Variants in PRELID2 observed in about 807,000 individuals in gnomAD.
PRELID2 encodes the protein PRELI domain containing 2.
A neutral mutation model predicts 28.4 loss-of-function variants in PRELID2; 25 were observed. The observed-to-expected ratio is 0.88, with a 90% CI of 0.64 to 1.23. The LOEUF is 1.23. Among genes scored for constraint, PRELID2 ranks in the 50% most tolerant of loss-of-function variants. The probability of loss-of-function intolerance (pLI) is 0.00; values close to 1 mark genes in which losing one functional copy is unlikely to be tolerated. For synonymous variants in PRELID2, 76 were observed against 71.6 expected, an observed-to-expected ratio of 1.06 and a Z score of -0.31; for missense variants, 201 against 214.4, an observed-to-expected ratio of 0.94 and a Z score of 0.39.
chr5:145,483,747 G>A (rs953052742), intron 1 of PRELID2, among the ~76,000 whole-genome samples: 1 of 152,036 alleles, frequency 6.6e-6, no homozygotes, highest in East Asian at 1.9e-4. Flanking sequence ...CACAATCTAC[G>A]GAGTTGAAAA....
the PRELID2 span, among the ~76,000 whole-genome samples, chr5:145,313,303 C>T: frequency 6.6e-6 from 1 of 152,160 alleles, no homozygotes; most frequent in African/African-American, 2.4e-5. Context: ...TTTTTCTGCT[C>T]AAGATGTCTA....
At position 145,758,823 on chromosome 5, in the gene PRELID2, A is replaced by T. The variant is rs537590335; in HGVS notation, c.*1713T>A. On this transcript the variant is annotated 3_prime_UTR_variant, in exon 7 of 7. Transcript: ENST00000683046. ...ACACTATGAAGCTGAAAAGAAATTA[A>T]GAGACAAAATTCAGGCAGCACAAAG... Among the ~76,000 whole-genome samples, 1 of 152,146 alleles carries T rather than the reference A, an allele frequency of 6.6e-6. No individual in the cohort carries two copies. The highest frequency in any genetic ancestry group is 1.5e-5 in the Non-Finnish European group (1 of 68,032).
chr5:145,442,257 G>T, the PRELID2 span, among the ~76,000 whole-genome samples: 13 of 152,038 alleles, frequency 8.6e-5, no homozygotes, highest in African/African-American at 2.9e-4. Flanking sequence ...TCATGCAATT[G>T]AAATGTGAGT....
intron 1 of PRELID2, among the ~76,000 whole-genome samples, chr5:145,722,269 A>G (rs1043005293): frequency 2.6e-5 from 4 of 152,184 alleles, no homozygotes; most frequent in Non-Finnish European, 5.9e-5. Flanking sequence ...AAGGAATATG[A>G]TAATTCAAAA....
chr5:145,613,740 T>C (rs899281625), intron 1 of PRELID2, among the ~76,000 whole-genome samples: 1 of 152,160 alleles, frequency 6.6e-6, no homozygotes, highest in African/African-American at 2.4e-5. Flanking sequence ...GTCAGATGTA[T>C]ATATTATAAA....
Position 145,486,462 on chromosome 5 carries a change from C to T in PRELID2, n.71-13147G>A, listed in dbSNP as rs564152143. Among the ~76,000 whole-genome samples, 5 of 152,272 alleles carry T rather than the reference C, an allele frequency of 3.3e-5. No individual in the cohort carries two copies. In the South Asian group the frequency reaches 1.0e-3, roughly 32 times the overall value. On this transcript the variant is annotated intron_variant and non_coding_transcript_variant, in intron 1 of 2. Transcript: ENST00000510259. The stretch of plus-strand genomic sequence containing the variant: ...TTTTCAATGTAAAATAAAATTCATG[C>T]AATGAGTCCAGTGCTCTTAAACTCT...
chr5:145,682,964 A>G (rs1754967339), intron 1 of PRELID2, among the ~76,000 whole-genome samples: 1 of 152,226 alleles, frequency 6.6e-6, no homozygotes, highest in South Asian at 2.1e-4. Flanking sequence ...AGGCATTGAG[A>G]AAATAATCAC....
In PRELID2 at chr5:145,817,916, C is replaced by T; in HGVS notation, c.346G>A (p.Glu116Lys). Residue 116 changes from glutamate to lysine, a missense_variant, in exon 4 of 7, where the codon GAA becomes AAA. Glu to Lys is a moderately conservative substitution (Grantham distance 56). Coordinates refer to ENST00000683046, the MANE Select transcript of PRELID2 (RefSeq NM_205846.3). Reference protein sequence around the residue: ...ASMKEESVFRESMENPNWTEF... With the variant: ...ASMKEESVFRKSMENPNWTEF... Reference sequence around the variant, plus strand: ...TACCAATTTGGGTTTTCCATACTTTCCCGGAAGACAGACTCTTCCTTCATG... The same window carrying T: ...TACCAATTTGGGTTTTCCATACTTTTCCGGAAGACAGACTCTTCCTTCATG... 1.9e-6 allele frequency: 3 copies of T among 1,556,336 alleles called. No individual in the cohort carries two copies. Among genetic ancestry groups the T allele is most frequent in the Non-Finnish European group, 2.6e-6 (3 of 1,154,196 alleles).
intron 1 of PRELID2, among the ~76,000 whole-genome samples, chr5:145,650,557 T>C (rs181321166): frequency 1.6e-5 from 2 of 128,996 alleles, no homozygotes; most frequent in Admixed American, 1.5e-4. Context: ...TATATATATA[T>C]ATATATATAT....
At chr5:145,251,653 C>A in the PRELID2 span, among the ~76,000 whole-genome samples, 1 of 152,046 alleles carries the variant, frequency 6.6e-6, no homozygotes, top group African/African-American at 2.4e-5. Flanking sequence ...CCCTGGATAC[C>A]CTCGACAAAA....
At chr5:145,673,960 T>C (rs1365372319) in intron 1 of PRELID2, among the ~76,000 whole-genome samples, 1 of 152,122 alleles carries the variant, frequency 6.6e-6, no homozygotes, top group East Asian at 1.9e-4. Context: ...CATCATAAAG[T>C]TGGCAGTGCA....
chr5:145,791,578 G>A (rs923617508), intron 5 of PRELID2, among the ~76,000 whole-genome samples: 1 of 152,116 alleles, frequency 6.6e-6, no homozygotes, highest in Non-Finnish European at 1.5e-5. Context: ...GGAGGTGAAT[G>A]GGATAGGAAG....
rs572609537 is a variant in PRELID2 at position 145,626,034 on chromosome 5, A to G, written n.70+138897T>C. Among the ~76,000 whole-genome samples, 434 of 152,346 alleles carry G rather than the reference A, an allele frequency of 2.8e-3. 2 individuals are homozygous for G. The highest frequency in any genetic ancestry group is 0.018 in the South Asian group (88 of 4,834). Reference sequence around the variant, plus strand: ...CATCATATACAAAAATTAACTTCAGATGGATTAAAGACTTAAAAATAAGAC... The same window carrying G: ...CATCATATACAAAAATTAACTTCAGGTGGATTAAAGACTTAAAAATAAGAC... On this transcript the variant is annotated intron_variant and non_coding_transcript_variant, in intron 1 of 2. Transcript: ENST00000510259.
chr5:145,571,505 A>G (rs1753014686), intron 1 of PRELID2, among the ~76,000 whole-genome samples: 3 of 152,198 alleles, frequency 2.0e-5, no homozygotes, highest in Admixed American at 2.0e-4. Flanking sequence ...GAAAGAAATT[A>G]AAGTATTTTA....
chr5:145,509,568 A>G (rs547034246), intron 1 of PRELID2, among the ~76,000 whole-genome samples: 27 of 152,320 alleles, frequency 1.8e-4, no homozygotes, highest in African/African-American at 6.3e-4. Context: ...GCCATCTCTG[A>G]AAGAGGAGTT....
chr5:145,484,449 T>A (rs1752195434), intron 1 of PRELID2, among the ~76,000 whole-genome samples: 1 of 152,242 alleles, frequency 6.6e-6, no homozygotes, highest in Admixed American at 6.5e-5. Context: ...TTTTGTTCCC[T>A]TAGCTCTTCT....
the PRELID2 span, among the ~76,000 whole-genome samples, chr5:145,339,560 A>T: frequency 6.6e-6 from 1 of 152,198 alleles, no homozygotes; most frequent in South Asian, 2.1e-4. Flanking sequence ...TGCCATTCTA[A>T]GAGCCTAGTC....
At chr5:145,448,105 C>G in the PRELID2 span, among the ~76,000 whole-genome samples, 1 of 152,000 alleles carries the variant, frequency 6.6e-6, no homozygotes, top group Non-Finnish European at 1.5e-5. Flanking sequence ...AAAAGTGTTC[C>G]TATTTGTCCA....
At chr5:145,832,212 G>C (rs1213650454) in intron 1 of PRELID2, among the ~76,000 whole-genome samples, 1 of 152,160 alleles carries the variant, frequency 6.6e-6, no homozygotes, top group Non-Finnish European at 1.5e-5. Context: ...TTGAGATGAA[G>C]TCTTGCTCTG....
Sources: allele counts gnomAD v4.1 joint callset (sites outside exome capture counted in the v4.1 genomes callset), GRCh38; gene constraint gnomAD v4.1.1; transcripts MANE v1.5; gene names NCBI Gene and HGNC (gene_info 2026-07-23, HGNC 2026-07-21).